Variants in MAGI2 observed in about 807,000 individuals in gnomAD.
The protein encoded by MAGI2 is membrane associated guanylate kinase, WW and PDZ domain containing 2.
A neutral mutation model predicts 133.3 loss-of-function variants in MAGI2; 35 were observed. That is an observed-to-expected ratio of 0.26 (90% CI 0.20 to 0.35). The LOEUF (loss-of-function observed/expected upper bound fraction) is 0.35, where lower values mean the gene tolerates loss of function less well. MAGI2 is among the 10% of genes least tolerant of loss of function. The probability of loss-of-function intolerance (pLI) is 1.00; values close to 1 mark genes in which losing one functional copy is unlikely to be tolerated. For missense variants in MAGI2, 1,636 were observed against 1,863.4 expected (o/e 0.88, Z 2.25); for synonymous variants, 729 against 710.6 (o/e 1.03, Z -0.41).
At chr7:79,011,884 T>TCTTCCTTCCTTCCTTTCTTCCTTC (rs1808141902) in intron 1 of MAGI2, among the ~76,000 whole-genome samples, 12 of 103,308 alleles carry the variant, frequency 1.2e-4, no homozygotes, top group Non-Finnish European at 2.0e-4. Context: ...TTCCTTCCTT[T>TCTTCCTTCCTTCCTTTCTTCCTTC]CTTCCTTCCT....
chr7:78,430,114 G>A (rs894958493), intron 6 of MAGI2, among the ~76,000 whole-genome samples: 1 of 152,028 alleles, frequency 6.6e-6, no homozygotes, highest in Non-Finnish European at 1.5e-5. Context: ...TCCATATTCA[G>A]CATTCTGGGG....
chr7:78,037,590 G>GT (rs999198976), intron 21 of MAGI2, among the ~76,000 whole-genome samples: 4 of 152,292 alleles, frequency 2.6e-5, no homozygotes, highest in Non-Finnish European at 2.9e-5. Flanking sequence ...CGCAAGATAA[G>GT]TTTTTTCATT....
intron 21 of MAGI2, among the ~76,000 whole-genome samples, chr7:78,055,845 G>A (rs1159742103): frequency 6.6e-6 from 1 of 152,156 alleles, no homozygotes; most frequent in Non-Finnish European, 1.5e-5. Context: ...GCTGCATAAT[G>A]TATCAAATGA....
chr7:78,038,859 G>A (rs549661333), intron 21 of MAGI2, among the ~76,000 whole-genome samples: 9 of 152,322 alleles, frequency 5.9e-5, no homozygotes, highest in East Asian at 3.9e-4. Flanking sequence ...AGTTAAGTTC[G>A]TGGGCGTTTT....
At chr7:78,482,598 C>A (rs1353757522) in intron 6 of MAGI2, among the ~76,000 whole-genome samples, 1 of 151,854 alleles carries the variant, frequency 6.6e-6, no homozygotes. Flanking sequence ...ACTATTGATA[C>A]ACACACTAGA....
In MAGI2 at chr7:78,049,677, A is replaced by T. The variant is rs576256597; in HGVS notation, c.3706+29270T>A. 1.1e-3 allele frequency among the ~76,000 whole-genome samples: 162 copies of T among 152,248 alleles called. 1 individual carries two copies. The highest frequency in any genetic ancestry group is 2.4e-3 in the Admixed American group (36 of 15,288). The stretch of plus-strand genomic sequence containing the variant: ...TCTAGTTGTGTATGTGGGTGGTGGG[A>T]TCTATGTGAACTTGATAAACAAAAC... On this transcript the variant is annotated intron_variant, in intron 21 of 21. Transcript: ENST00000354212.
chr7:78,324,160 C>T (rs1244302895), intron 9 of MAGI2, among the ~76,000 whole-genome samples: 3 of 139,432 alleles, frequency 2.2e-5, no homozygotes, highest in African/African-American at 8.3e-5. Flanking sequence ...CTACACACTA[C>T]ACTACACTAC....
chr7:78,128,452 C>T (rs981729045), intron 18 of MAGI2, among the ~76,000 whole-genome samples: 5 of 151,958 alleles, frequency 3.3e-5, no homozygotes, highest in Non-Finnish European at 7.4e-5. Context: ...ACAATTTTAT[C>T]TAAAATTAAT....
intron 1 of MAGI2, among the ~76,000 whole-genome samples, chr7:79,124,364 T>G (rs1820203407): frequency 6.6e-6 from 1 of 152,210 alleles, no homozygotes. Flanking sequence ...TCATTGCTCA[T>G]GTACTCAAAT....
intron 21 of MAGI2, among the ~76,000 whole-genome samples, chr7:78,044,678 C>CCTGT (rs71515384): frequency 1.6e-5 from 2 of 126,408 alleles, no homozygotes; most frequent in African/African-American, 7.1e-5. Context: ...GCTAATGTAC[C>CCTGT]GTGTGTGTGT....
chr7:79,243,135 C>CA (rs1832551493), intron 1 of MAGI2, among the ~76,000 whole-genome samples: 1 of 151,598 alleles, frequency 6.6e-6, no homozygotes, highest in South Asian at 2.1e-4. Flanking sequence ...CAAAAAACAA[C>CA]AAAAAAAGAA....
chr7:78,806,052 C>T (rs974709076), intron 2 of MAGI2, among the ~76,000 whole-genome samples: 3 of 152,092 alleles, frequency 2.0e-5, no homozygotes, highest in African/African-American at 2.4e-5. Context: ...ATAACAATCA[C>T]GAATTCTTAA....
chr7:78,066,913 A>T (rs1813889354), intron 21 of MAGI2, among the ~76,000 whole-genome samples: 1 of 152,152 alleles, frequency 6.6e-6, no homozygotes, highest in South Asian at 2.1e-4. Flanking sequence ...TGCATGCCCA[A>T]CTTGCTCCAC....
chr7:78,241,181 C>G (rs1791098706), intron 10 of MAGI2, among the ~76,000 whole-genome samples: 1 of 149,448 alleles, frequency 6.7e-6, no homozygotes, highest in Non-Finnish European at 1.5e-5. Context: ...CAGAGCCAAG[C>G]AGAAGCCATC....
intron 1 of MAGI2, among the ~76,000 whole-genome samples, chr7:79,088,044 C>G (rs1055932708): frequency 2.6e-5 from 4 of 151,980 alleles, no homozygotes; most frequent in African/African-American, 9.7e-5. Flanking sequence ...TCATTGGTAG[C>G]TTGATAGGGA....
At chr7:78,079,885 C>T (rs1477218006) in intron 20 of MAGI2, among the ~76,000 whole-genome samples, 1 of 152,278 alleles carries the variant, frequency 6.6e-6, no homozygotes, top group East Asian at 1.9e-4. Context: ...CATGTAACTC[C>T]CACAGTACCA....
chr7:78,274,294 T>C (rs1170225338), intron 9 of MAGI2, among the ~76,000 whole-genome samples: 5 of 152,194 alleles, frequency 3.3e-5, no homozygotes, highest in African/African-American at 9.6e-5. Flanking sequence ...GTTTGTTGCC[T>C]GTTCCTTCCT....
chr7:78,574,616 G>T (rs1802074924), intron 3 of MAGI2, among the ~76,000 whole-genome samples: 2 of 152,110 alleles, frequency 1.3e-5, no homozygotes, highest in African/African-American at 4.8e-5. Flanking sequence ...TCTTGATGCT[G>T]GATAAGTATT....
At chr7:79,385,590 TA>T (rs11317623) in intron 1 of MAGI2, among the ~76,000 whole-genome samples, 75,555 of 151,272 alleles carry the variant, frequency 0.5, 20,232 homozygotes, top group African/African-American at 0.69. Flanking sequence ...AGTACTTTTA[TA>T]AAAAAAATTC....
Sources: gnomAD v4.1 joint callset for allele counts (sites outside exome capture counted in the v4.1 genomes callset) on GRCh38, gnomAD v4.1.1 for gene constraint, MANE v1.5 for transcripts, NCBI Gene and HGNC (gene_info 2026-07-23, HGNC 2026-07-21) for gene names.